ARHGAP24: variants seen among roughly 807,000 people sequenced by gnomAD.
ARHGAP24 encodes Rho GTPase activating protein 24.
Under a neutral mutation model 76.4 loss-of-function variants are expected in ARHGAP24, and 50 were observed. The observed-to-expected ratio is 0.65, with a 90% CI of 0.52 to 0.83. The LOEUF (loss-of-function observed/expected upper bound fraction) is 0.83. Among genes scored for constraint, ARHGAP24 ranks in the 40% least tolerant of loss-of-function variants. ARHGAP24 has a pLI of 0.00. For synonymous variants in ARHGAP24, 345 were observed against 323.3 expected, an observed-to-expected ratio of 1.07 and a Z score of -0.72; for missense variants, 930 against 914.2, an observed-to-expected ratio of 1.02 and a Z score of -0.22.
intron 1 of ARHGAP24, among the ~76,000 whole-genome samples, chr4:85,551,985 T>C (rs1726159055): frequency 6.6e-6 from 1 of 152,162 alleles, no homozygotes. Context: ...TCATTGATCT[T>C]TATCTTTTGT....
At chr4:85,562,176 C>A (rs1726624021) in intron 1 of ARHGAP24, among the ~76,000 whole-genome samples, 1 of 152,168 alleles carries the variant, frequency 6.6e-6, no homozygotes, top group Non-Finnish European at 1.5e-5. Context: ...GGTAACATGA[C>A]TTGATTTGCT....
chr4:85,476,346 G>C (rs936459622), intron 1 of ARHGAP24, among the ~76,000 whole-genome samples: 1 of 151,992 alleles, frequency 6.6e-6, no homozygotes, highest in Admixed American at 6.6e-5. Flanking sequence ...CTTCTTTGTA[G>C]ACTATATCTC....
chr4:85,896,345 C>T (rs1429270192), intron 3 of ARHGAP24, among the ~76,000 whole-genome samples: 1 of 152,164 alleles, frequency 6.6e-6, no homozygotes, highest in African/African-American at 2.4e-5. Flanking sequence ...CTTCCCTGAT[C>T]TTGAATAAAA....
chr4:85,579,897 A>G (rs554805181), intron 2 of ARHGAP24, among the ~76,000 whole-genome samples: 70 of 152,304 alleles, frequency 4.6e-4, no homozygotes, highest in East Asian at 4.2e-3. Flanking sequence ...GTTATTATAA[A>G]TAATGCTGCT....
intron 1 of ARHGAP24, among the ~76,000 whole-genome samples, chr4:85,519,178 C>A (rs951250430): frequency 1.3e-5 from 2 of 152,168 alleles, no homozygotes; most frequent in African/African-American, 4.8e-5. Context: ...TTTTCTGTGG[C>A]TTCCTTGATT....
chr4:85,940,642 G>T (rs564652705), intron 4 of ARHGAP24, among the ~76,000 whole-genome samples: 5 of 152,238 alleles, frequency 3.3e-5, no homozygotes, highest in African/African-American at 9.6e-5. Flanking sequence ...GGATCTACTT[G>T]TTCTAAAATC....
At chr4:85,584,329 A>T (rs1158594815) in intron 2 of ARHGAP24, among the ~76,000 whole-genome samples, 5 of 152,012 alleles carry the variant, frequency 3.3e-5, no homozygotes, top group Admixed American at 3.3e-4. Flanking sequence ...TTCTCAGTAA[A>T]CTATCACAAG....
At chr4:85,766,978 G>C (rs1324254450) in intron 3 of ARHGAP24, among the ~76,000 whole-genome samples, 2 of 152,100 alleles carry the variant, frequency 1.3e-5, no homozygotes, top group Non-Finnish European at 2.9e-5. Context: ...AGATATGTTT[G>C]GATACACAGT....
At chr4:85,913,186 G>T (rs1353497764) in intron 3 of ARHGAP24, among the ~76,000 whole-genome samples, 1 of 151,964 alleles carries the variant, frequency 6.6e-6, no homozygotes, top group Non-Finnish European at 1.5e-5. Flanking sequence ...ATGCCTGAAA[G>T]ATTTGTTTAG....
At chr4:85,846,869 G>A (rs1017225695) in intron 3 of ARHGAP24, among the ~76,000 whole-genome samples, 1 of 152,152 alleles carries the variant, frequency 6.6e-6, no homozygotes, top group African/African-American at 2.4e-5. Flanking sequence ...ATGTGTCAGG[G>A]TGAGATATCA....
intron 1 of ARHGAP24, among the ~76,000 whole-genome samples, chr4:85,566,922 A>G (rs1416011814): frequency 2.6e-5 from 4 of 152,206 alleles, no homozygotes; most frequent in African/African-American, 9.6e-5. Context: ...AAAGAGCCCA[A>G]GACAGAGTTT....
At chr4:85,608,152 G>A (rs1354219020) in intron 2 of ARHGAP24, among the ~76,000 whole-genome samples, 1 of 152,086 alleles carries the variant, frequency 6.6e-6, no homozygotes, top group East Asian at 1.9e-4. Flanking sequence ...TCAAGTGTAT[G>A]CTCAAAAATA....
In ARHGAP24 at chr4:85,487,451, ATATT is replaced by A. The variant is rs1172247515; in HGVS notation, c.-21+11893_-21+11896del. ...AAATATATAAATATATATTTATTAT[ATATT>A]ATATAAACATATATTTATTACATAT... On this transcript the variant is annotated intron_variant, in intron 1 of 9. Transcript: ENST00000395184. Among the ~76,000 whole-genome samples, 3 of 72,360 alleles carry A rather than the reference ATATT, an allele frequency of 4.1e-5. No homozygotes were observed. The Admixed American group carries it at 6.0e-4, about 14-fold the overall frequency. The allele number at this position is 72,360 out of a possible 152,430, so 47.5% of individuals were successfully genotyped here. A position where few individuals can be genotyped will look rare whatever the true frequency, so the allele number is the denominator to read the frequency against.
At chr4:85,920,147 A>T in intron 3 of ARHGAP24, among the ~76,000 whole-genome samples, 1 of 152,208 alleles carries the variant, frequency 6.6e-6, no homozygotes, top group East Asian at 1.9e-4. Context: ...TATCTCTGGG[A>T]TCGATTAATG....
chr4:85,967,843 T>C (rs1738719833), intron 5 of ARHGAP24, among the ~76,000 whole-genome samples: 1 of 152,278 alleles, frequency 6.6e-6, no homozygotes, highest in African/African-American at 2.4e-5. Flanking sequence ...TTGGCTTTTT[T>C]TGTGATTCTA....
At chr4:85,593,226 A>G (rs1728189752) in intron 2 of ARHGAP24, among the ~76,000 whole-genome samples, 1 of 152,124 alleles carries the variant, frequency 6.6e-6, no homozygotes, top group African/African-American at 2.4e-5. Flanking sequence ...ACCTTTTCAT[A>G]TAACTGTTTG....
At chr4:85,906,591 C>A (rs1429403445) in intron 3 of ARHGAP24, among the ~76,000 whole-genome samples, 1 of 152,030 alleles carries the variant, frequency 6.6e-6, no homozygotes, top group Non-Finnish European at 1.5e-5. Context: ...GCTTTACAAG[C>A]TAACATAAAC....
chr4:85,642,433 A>G (rs1182341543), intron 2 of ARHGAP24, among the ~76,000 whole-genome samples: 7 of 152,108 alleles, frequency 4.6e-5, no homozygotes, highest in Admixed American at 3.9e-4. Flanking sequence ...CGACTAATAT[A>G]TGTCTCAAAC....
At chr4:85,724,701 G>A (rs1725100829) in intron 3 of ARHGAP24, among the ~76,000 whole-genome samples, 1 of 151,370 alleles carries the variant, frequency 6.6e-6, no homozygotes, top group Non-Finnish European at 1.5e-5. Flanking sequence ...CATATTTTAG[G>A]CTTTTGTAAA....
Sources: allele counts gnomAD v4.1 joint callset (sites outside exome capture counted in the v4.1 genomes callset), GRCh38; gene constraint gnomAD v4.1.1; transcripts MANE v1.5; gene names NCBI Gene and HGNC (gene_info 2026-07-23, HGNC 2026-07-21).